The following PSMD14 variants were observed in gnomAD, a reference collection of about 807,000 sequenced individuals.
The protein encoded by PSMD14 is proteasome 26S subunit, non-ATPase 14.
PSMD14 carries 7 observed loss-of-function variants against 41.2 expected under a neutral mutation model. That is an observed-to-expected ratio of 0.17 (90% CI 0.10 to 0.32). The LOEUF (loss-of-function observed/expected upper bound fraction) is 0.32, where lower values mean the gene tolerates loss of function less well. Ranked by LOEUF, PSMD14 falls within the 10% of genes least tolerant of loss-of-function variation. The pLI, the probability that PSMD14 is intolerant of heterozygous loss-of-function variation, is 1.00. For missense variants in PSMD14, 139 were observed against 375.6 expected, an observed-to-expected ratio of 0.37 and a Z score of 5.21; for synonymous variants, 114 against 122.3, an observed-to-expected ratio of 0.93 and a Z score of 0.45.
chr2:161,365,572 T>C (rs1329948461), intron 3 of PSMD14, among the ~76,000 whole-genome samples: 1 of 152,200 alleles, frequency 6.6e-6, no homozygotes, highest in Non-Finnish European at 1.5e-5. Context: ...TGTGTCAAGA[T>C]ACCAGTTTAA....
chr2:161,406,912 C>G (rs1361256457), intron 10 of PSMD14, among the ~76,000 whole-genome samples: 1 of 152,120 alleles, frequency 6.6e-6, no homozygotes, highest in African/African-American at 2.4e-5. Flanking sequence ...ATCAGTACTT[C>G]AAGTCCTTTT....
intron 2 of PSMD14, 92 bp from the exon 3 acceptor site, chr2:161,318,730 C>A: frequency 1.1e-6 from 1 of 912,960 alleles, no homozygotes; most frequent in Non-Finnish European, 1.7e-6. Flanking sequence ...ATATTTTTGA[C>A]ATACTGAGTG....
intron 3 of PSMD14, among the ~76,000 whole-genome samples, chr2:161,348,093 A>G (rs930131928): frequency 6.6e-6 from 1 of 152,202 alleles, no homozygotes; most frequent in African/African-American, 2.4e-5. Flanking sequence ...GAGAGTATAC[A>G]ACCCTCTTGG....
rs191800678 is a variant in PSMD14 at position 161,389,112 on chromosome 2, G to A, written c.571-1992G>A. On this transcript the variant is annotated intron_variant, in intron 8 of 11. Coordinates refer to ENST00000409682, the MANE Select transcript of PSMD14 (RefSeq NM_005805.6). ...AATGTAATTGAAAATCAAGTAGATT[G>A]TGCCTTCAGACACCAGTTAATATTT... Among the ~76,000 whole-genome samples, 15 of 152,240 alleles carry A rather than the reference G, an allele frequency of 9.9e-5. 1 individual carries two copies. The highest frequency in any genetic ancestry group is 4.1e-4 in the South Asian group (2 of 4,826).
chr2:161,347,721 G>A (rs980674905), intron 3 of PSMD14, among the ~76,000 whole-genome samples: 2 of 152,170 alleles, frequency 1.3e-5, no homozygotes, highest in African/African-American at 4.8e-5. Context: ...ATAAAGGGAC[G>A]ATTGATTCAT....
chr2:161,352,761 G>A (rs976488226), intron 3 of PSMD14, among the ~76,000 whole-genome samples: 2 of 151,782 alleles, frequency 1.3e-5, no homozygotes, highest in Non-Finnish European at 2.9e-5. Context: ...CATTAGATGA[G>A]GTAAATAACA....
Position 161,318,877 on chromosome 2 carries a change from A to G in PSMD14, c.48+4A>G. 1.9e-6 allele frequency: 3 copies of G among 1,610,410 alleles called. No individual in the cohort carries two copies. The highest frequency in any genetic ancestry group is 2.5e-6 in the Non-Finnish European group (3 of 1,177,046). ...AGGTATGCCTGGACTGGGCCAGGTT[A>G]GTATATAGTCTCTTGAGCATTTCCT... On this transcript the variant is annotated splice_donor_region_variant and intron_variant, in intron 3 of 11. Transcript: ENST00000409682.
At chr2:161,391,269 T>C in intron 9 of PSMD14, 91 bp downstream of exon 9, 1 of 1,284,410 alleles carries the variant, frequency 7.8e-7, no homozygotes, top group African/African-American at 1.5e-5. Flanking sequence ...TTCGAATTTT[T>C]GACCTCTTTC....
At chr2:161,338,232 A>C (rs1377936558) in intron 3 of PSMD14, among the ~76,000 whole-genome samples, 2 of 152,186 alleles carry the variant, frequency 1.3e-5, no homozygotes, top group Non-Finnish European at 2.9e-5. Flanking sequence ...ATTTAGAGCT[A>C]TAAATTACGA....
intron 7 of PSMD14, chr2:161,384,257 T>C (rs1379611329): frequency 6.6e-6 from 1 of 151,600 alleles, no homozygotes; most frequent in African/African-American, 2.4e-5. Context: ...TGTCATCATG[T>C]TTTAGTCTAG....
chr2:161,389,207 A>G (rs890510508), intron 8 of PSMD14, among the ~76,000 whole-genome samples: 5 of 152,160 alleles, frequency 3.3e-5, no homozygotes, highest in Non-Finnish European at 5.9e-5. Flanking sequence ...TTCTGTATGT[A>G]TTGGCTACAG....
intron 3 of PSMD14, among the ~76,000 whole-genome samples, chr2:161,329,307 G>A (rs1559039418): frequency 6.6e-6 from 1 of 152,094 alleles, no homozygotes; most frequent in Non-Finnish European, 1.5e-5. Context: ...AGATCATTGT[G>A]TACAATTAGT....
At chr2:161,388,982 A>G (rs750536712) in intron 8 of PSMD14, among the ~76,000 whole-genome samples, 8 of 152,128 alleles carry the variant, frequency 5.3e-5, no homozygotes, top group Non-Finnish European at 1.0e-4. Flanking sequence ...AAATTGAAAG[A>G]CTACTTGAGG....
chr2:161,309,623 T>C (rs2105226207), intron 1 of PSMD14, among the ~76,000 whole-genome samples: 1 of 152,312 alleles, frequency 6.6e-6, no homozygotes, highest in South Asian at 2.1e-4. Flanking sequence ...AGCTGACTCA[T>C]TTGAAGTTTA....
intron 8 of PSMD14, among the ~76,000 whole-genome samples, chr2:161,389,889 G>GTTGTTTTTTTTTTTTGTTTTTTTTT: frequency 1.5e-4 from 3 of 20,042 alleles, no homozygotes; most frequent in Non-Finnish European, 2.0e-4. Context: ...CTTTTTTGTT[G>GTTGTTTTTTTTTTTTGTTTTTTTTT]TTTTTTTTTT....
chr2:161,360,373 T>C (rs1683273725), intron 3 of PSMD14, among the ~76,000 whole-genome samples: 1 of 151,344 alleles, frequency 6.6e-6, no homozygotes, highest in South Asian at 2.1e-4. Flanking sequence ...ATTGTTTTTT[T>C]TTTTTTTTCA....
chr2:161,344,854 T>C (rs917485893), intron 3 of PSMD14, among the ~76,000 whole-genome samples: 5 of 152,232 alleles, frequency 3.3e-5, no homozygotes, highest in Non-Finnish European at 5.9e-5. Flanking sequence ...CTTTTCACTT[T>C]CTTGAGGGCG....
At chr2:161,384,171 CTG>C (rs1683605295) in intron 7 of PSMD14, 1 of 151,572 alleles carries the variant, frequency 6.6e-6, no homozygotes, top group Non-Finnish European at 1.5e-5. Context: ...AAAATGTTAA[CTG>C]TTCAAAATAA....
chr2:161,379,342 G>T (rs1683544532), intron 7 of PSMD14, among the ~76,000 whole-genome samples: 1 of 151,982 alleles, frequency 6.6e-6, no homozygotes, highest in Non-Finnish European at 1.5e-5. Flanking sequence ...TTTGTCACTT[G>T]TGAGTGTAGA....
Sources: gnomAD v4.1 joint callset for allele counts (sites outside exome capture counted in the v4.1 genomes callset) on GRCh38, gnomAD v4.1.1 for gene constraint, MANE v1.5 for transcripts, NCBI Gene and HGNC (gene_info 2026-07-23, HGNC 2026-07-21) for gene names.